Variants in TGFB1 observed in about 807,000 individuals in gnomAD.
TGFB1 encodes transforming growth factor beta-1 proprotein.
A neutral mutation model predicts 43.8 loss-of-function variants in TGFB1; 19 were observed. That is an observed-to-expected ratio of 0.43 (90% CI 0.30 to 0.64). TGFB1 has a LOEUF of 0.64. TGFB1 is among the 30% of genes least tolerant of loss of function. The pLI is 0.11. For missense variants in TGFB1, 445 were observed against 529.8 expected, an observed-to-expected ratio of 0.84 and a Z score of 1.57; for synonymous variants, 221 against 236.3, an observed-to-expected ratio of 0.94 and a Z score of 0.60.
At chr19:41,340,812 T>A (rs1056916335) in intron 5 of TGFB1, among the ~76,000 whole-genome samples, 1 of 152,218 alleles carries the variant, frequency 6.6e-6, no homozygotes, top group Admixed American at 6.5e-5. Flanking sequence ...ATGGGCCATC[T>A]TCCCATTTTG....
intron 5 of TGFB1, among the ~76,000 whole-genome samples, chr19:41,340,690 T>C (rs1829696296): frequency 6.6e-6 from 1 of 152,094 alleles, no homozygotes; most frequent in Non-Finnish European, 1.5e-5. Flanking sequence ...ACTCCAACAT[T>C]TGTGGATGTG....
At chr19:41,341,328 G>C (rs532291546) in intron 5 of TGFB1, among the ~76,000 whole-genome samples, 1 of 151,850 alleles carries the variant, frequency 6.6e-6, no homozygotes. Context: ...TTAGCTGGGC[G>C]TGGTGGCACG....
intron 5 of TGFB1, among the ~76,000 whole-genome samples, chr19:41,336,629 A>G (rs1000046464): frequency 6.6e-6 from 1 of 152,042 alleles, no homozygotes; most frequent in Non-Finnish European, 1.5e-5. Context: ...GGCTCAAGCA[A>G]TCCTCCTGCC....
intron 5 of TGFB1, among the ~76,000 whole-genome samples, chr19:41,341,091 G>C (rs1390171728): frequency 6.6e-6 from 1 of 152,102 alleles, no homozygotes; most frequent in African/African-American, 2.4e-5. Context: ...CAGCACTTCG[G>C]GAGGCTGAGG....
At chr19:41,339,779 A>G (rs74377190) in intron 5 of TGFB1, among the ~76,000 whole-genome samples, 24 of 151,526 alleles carry the variant, frequency 1.6e-4, no homozygotes, top group African/African-American at 2.2e-4. Flanking sequence ...AGCCGAGATC[A>G]CGCCACTGCA....
chr19:41,341,715 C>T (rs926377217), intron 5 of TGFB1, among the ~76,000 whole-genome samples, 168 bp downstream of exon 5: 2 of 152,078 alleles, frequency 1.3e-5, no homozygotes, highest in Non-Finnish European at 2.9e-5. Context: ...TGGCACAAGA[C>T]TCCTGGTTCT....
At chr19:41,344,662 G>C in intron 3 of TGFB1, 85 bp downstream of exon 3, 1 of 1,256,616 alleles carries the variant, frequency 8.0e-7, no homozygotes. Flanking sequence ...GGGGCGGAGA[G>C]GGGTCCTAGG....
rs36185305 is a variant in TGFB1 at position 41,353,822 on chromosome 19, C to T, written c.-778G>A. ...CTCAGAGCCGGGGGGGTGCCCCGGACGGGGCGTCCCCCCTGCCCCCGGCCG... is the reference window on the plus strand; with the variant it reads ...CTCAGAGCCGGGGGGGTGCCCCGGATGGGGCGTCCCCCCTGCCCCCGGCCG... On this transcript the variant is annotated 5_prime_UTR_variant, in exon 1 of 7. Coordinates refer to ENST00000221930, the MANE Select transcript of TGFB1 (RefSeq NM_000660.7). This position sits in a 1 kb window ranked among gnomAD's most constrained non-coding sequence, Gnocchi z 5.9. 28 of 153,140 alleles carry T rather than the reference C, an allele frequency of 1.8e-4. No individual in the cohort carries two copies. Among genetic ancestry groups the T allele is most frequent in the Non-Finnish European group, 3.6e-4 (25 of 68,888 alleles). The allele number at this position is 153,140 out of a possible 1,614,324, so 9.5% of individuals were successfully genotyped here. A position where few individuals can be genotyped will look rare whatever the true frequency, so the allele number is the denominator to read the frequency against.
intron 5 of TGFB1, among the ~76,000 whole-genome samples, chr19:41,338,708 G>A (rs1186660069): frequency 6.6e-6 from 1 of 151,340 alleles, no homozygotes; most frequent in Non-Finnish European, 1.5e-5. Flanking sequence ...GCGTGGCGGT[G>A]GGCACCTGTG....
At chr19:41,350,307 CTTTTTTTT>C (rs55873066) in intron 1 of TGFB1, among the ~76,000 whole-genome samples, 6 of 119,730 alleles carry the variant, frequency 5.0e-5, no homozygotes, top group African/African-American at 1.6e-4. Flanking sequence ...GTTTTCTTTT[CTTTTTTTT>C]TTTTTTTTTT....
chr19:41,343,980 CTTTTTTTTT>C (rs3061192), intron 3 of TGFB1, among the ~76,000 whole-genome samples: 2 of 98,638 alleles, frequency 2.0e-5, no homozygotes, highest in African/African-American at 8.4e-5. Flanking sequence ...TGCCTGGAAT[CTTTTTTTTT>C]TTTTTTTTTT....
intron 5 of TGFB1, among the ~76,000 whole-genome samples, chr19:41,334,040 T>G (rs1375363471): frequency 6.6e-6 from 1 of 152,218 alleles, no homozygotes; most frequent in Non-Finnish European, 1.5e-5. Flanking sequence ...CAATATCTAT[T>G]ACTCTCTGCC....
rs1427369996 is a variant in TGFB1, at chr19:41,331,123, A to G, written c.1102T>C (p.Tyr368His). The G allele has an allele frequency of 1.3e-6, 2 of 1,582,290 alleles. No individual in the cohort carries two copies. Among genetic ancestry groups the G allele is most frequent in the African/African-American group, 1.3e-5 (1 of 74,446 alleles). ...PQALEPLPIVYYVGRKPKVEQ... is the reference protein window; with the variant it reads ...PQALEPLPIVHYVGRKPKVEQ... ...ACCTTGGGCTTGCGGCCCACGTAGT[A>G]CACGATGGGCAGCGGCTCCAGCGCC... Residue 368 changes from tyrosine to histidine, a missense_variant, in exon 7 of 7, where the codon TAC (tyrosine) becomes CAC (histidine). Tyr to His is a moderately conservative substitution (Grantham distance 83, BLOSUM62 2). Transcript: ENST00000221930.
At chr19:41,347,585 T>C (rs1037523075) in intron 2 of TGFB1, among the ~76,000 whole-genome samples, 1 of 152,050 alleles carries the variant, frequency 6.6e-6, no homozygotes, top group African/African-American at 2.4e-5. Context: ...CCCAGCACTC[T>C]GGGAGGCTCA....
In TGFB1 at chr19:41,331,217, G is replaced by C. The variant is rs372269771; in HGVS notation, c.1015-7C>G. The C allele has an allele frequency of 2.2e-5, 34 of 1,512,322 alleles. No individual in the cohort carries two copies. The African/African-American group carries it at 3.8e-4, about 17-fold the overall frequency. 93.7% of individuals were successfully genotyped at this position (1,512,322 alleles called of 1,614,324 possible). A position where few individuals can be genotyped will look rare whatever the true frequency, so the allele number is the denominator to read the frequency against. On this transcript the variant is annotated splice_region_variant and splice_polypyrimidine_tract_variant and intron_variant, in intron 6 of 6. Coordinates refer to ENST00000221930, the MANE Select transcript of TGFB1 (RefSeq NM_000660.7). ...GGTTGTACAGGGCCAGGACCTGCGGGCGGCGGGCGGGGTCAGGGCTCAGGG... is the reference window on the plus strand; with the variant it reads ...GGTTGTACAGGGCCAGGACCTGCGGCCGGCGGGCGGGGTCAGGGCTCAGGG...
chr19:41,348,625 A>AT (rs1172633485), intron 1 of TGFB1, among the ~76,000 whole-genome samples, 170 bp from the exon 2 acceptor site: 72 of 141,582 alleles, frequency 5.1e-4, no homozygotes, highest in East Asian at 4.0e-3. Context: ...ATTTAAATGA[A>AT]TTTTTTTTTT....
intron 5 of TGFB1, among the ~76,000 whole-genome samples, chr19:41,337,538 A>G (rs879423657): frequency 1.3e-5 from 2 of 152,062 alleles, no homozygotes; most frequent in Admixed American, 1.3e-4. Flanking sequence ...CAGCCTCCCA[A>G]AGTGCTGGGA....
At chr19:41,338,970 G>T (rs376306384) in intron 5 of TGFB1, among the ~76,000 whole-genome samples, 17 of 87,102 alleles carry the variant, frequency 2.0e-4, no homozygotes, top group African/African-American at 7.9e-4. Flanking sequence ...TGGGGGGTAC[G>T]TGTGTGTGTG....
Position 41,352,573 on chromosome 19 carries a change from C to G in TGFB1, c.355+117G>C, listed in dbSNP as rs1313890019. ...CCACCATCACACGTTCCCTTTGCCC[C>G]GGGGTGTCCTCTTCCTCCAGCCAGT... On this transcript the variant is annotated intron_variant, in intron 1 of 6. Transcript: ENST00000221930. 3 of 1,256,464 alleles carry G rather than the reference C, an allele frequency of 2.4e-6. No homozygotes were observed. The African/African-American group carries it at 4.4e-5, about 19-fold the overall frequency. 77.8% of individuals were successfully genotyped at this position (1,256,464 alleles called of 1,614,324 possible).
Sources: gnomAD v4.1 joint callset for allele counts (sites outside exome capture counted in the v4.1 genomes callset) on GRCh38, gnomAD v4.1.1 for gene constraint, Gnocchi (gnomAD v3.1) non-coding constraint, MANE v1.5 for transcripts, NCBI Gene and HGNC (gene_info 2026-07-23, HGNC 2026-07-21) for gene names.